RTN1: variants seen among roughly 807,000 people sequenced by gnomAD.
RTN1 encodes reticulon-1.
In RTN1, 25 loss-of-function variants were observed where a neutral mutation model predicts 65.5. That is an observed-to-expected ratio of 0.38 (90% CI 0.28 to 0.53). RTN1 has a LOEUF of 0.53. Ranked by LOEUF, RTN1 falls within the 20% of genes least tolerant of loss-of-function variation. RTN1 has a pLI of 0.79. For synonymous variants in RTN1, 471 were observed against 447.6 expected (o/e 1.05, Z -0.66); for missense variants, 983 against 1,025.4 (o/e 0.96, Z 0.57).
intron 3 of RTN1, among the ~76,000 whole-genome samples, chr14:59,723,049 T>G (rs1884679342): frequency 6.6e-6 from 1 of 152,122 alleles, no homozygotes; most frequent in Non-Finnish European, 1.5e-5. Context: ...TCACCAGCCT[T>G]GGCCTCCCAA....
At position 59,868,671 on chromosome 14, in the gene RTN1, A is replaced by G. The variant is rs2139683174; in HGVS notation, c.241+1719T>C. Among the ~76,000 whole-genome samples the G allele has an allele frequency of 6.6e-6, 1 of 152,306 alleles. No homozygotes were observed. The highest frequency in any genetic ancestry group is 3.4e-3 in the Middle Eastern group (1 of 294). ...CAAATATATATTCTAAGCATTTCCT[A>G]TATAATAACTTTTGTGGATATGTTA... On this transcript the variant is annotated intron_variant, in intron 1 of 8. Coordinates refer to ENST00000267484, the MANE Select transcript of RTN1 (RefSeq NM_021136.3). The surrounding 1 kb of genome is among the most constrained non-coding windows in gnomAD (Gnocchi z 4.0).
intron 3 of RTN1, among the ~76,000 whole-genome samples, chr14:59,680,289 C>G (rs1883718816): frequency 6.6e-6 from 1 of 152,194 alleles, no homozygotes; most frequent in African/African-American, 2.4e-5. Context: ...ATCCCTCTTT[C>G]CCTCCATACC....
At chr14:59,800,429 C>T (rs909743429) in intron 1 of RTN1, among the ~76,000 whole-genome samples, 1 of 152,170 alleles carries the variant, frequency 6.6e-6, no homozygotes, top group East Asian at 1.9e-4. Context: ...GAGTCAGAGT[C>T]TCACTCTGTC....
chr14:59,737,814 A>G (rs1025270720), intron 2 of RTN1, among the ~76,000 whole-genome samples: 1 of 152,232 alleles, frequency 6.6e-6, no homozygotes, highest in African/African-American at 2.4e-5. Context: ...AAGAACAGAC[A>G]CATAGACCAA....
chr14:59,660,809 C>G (rs1473012627), intron 3 of RTN1, among the ~76,000 whole-genome samples: 1 of 152,060 alleles, frequency 6.6e-6, no homozygotes, highest in Non-Finnish European at 1.5e-5. Flanking sequence ...TACACCCTAA[C>G]ATCAAAATGA....
chr14:59,752,409 C>T (rs1368248061), intron 1 of RTN1, among the ~76,000 whole-genome samples: 2 of 152,032 alleles, frequency 1.3e-5, no homozygotes, highest in Middle Eastern at 3.2e-3. Context: ...AGAGCTCTGC[C>T]CTTGTAGCTT....
chr14:59,779,468 G>A (rs571656539), intron 1 of RTN1, among the ~76,000 whole-genome samples: 1 of 152,138 alleles, frequency 6.6e-6, no homozygotes, highest in East Asian at 1.9e-4. Flanking sequence ...AGGTAATGGG[G>A]AGATCCTGCA....
At chr14:59,736,250 T>TA (rs1302146078) in intron 2 of RTN1, among the ~76,000 whole-genome samples, 1 of 151,878 alleles carries the variant, frequency 6.6e-6, no homozygotes, top group Admixed American at 6.6e-5. Context: ...GCTGTTTTTT[T>TA]AAAAAATAAT....
chr14:59,669,279 A>G (rs1358655496), intron 3 of RTN1, among the ~76,000 whole-genome samples: 1 of 152,234 alleles, frequency 6.6e-6, no homozygotes, highest in Non-Finnish European at 1.5e-5. Flanking sequence ...GCAGCCATAA[A>G]AAAGGATGGG....
chr14:59,712,414 A>G (rs1884442575), intron 3 of RTN1, among the ~76,000 whole-genome samples: 1 of 152,236 alleles, frequency 6.6e-6, no homozygotes, highest in Admixed American at 6.5e-5. Context: ...CAGTCAACAG[A>G]AAATGACAAA....
chr14:59,784,586 T>C (rs1295808504), intron 1 of RTN1, among the ~76,000 whole-genome samples: 2 of 152,222 alleles, frequency 1.3e-5, no homozygotes, highest in Non-Finnish European at 2.9e-5. Flanking sequence ...TAGGGAGATA[T>C]TACTTTAATA....
Position 59,727,114 on chromosome 14 carries a change from C to G in RTN1, c.1570G>C (p.Asp524His), listed in dbSNP as rs145742655. The G allele has an allele frequency of 6.2e-7, 1 of 1,608,964 alleles. No homozygotes were observed. The highest frequency in any genetic ancestry group is 1.3e-5 in the African/African-American group (1 of 74,792). The change falls in exon 3 of 9, where the codon GAC (aspartate) becomes CAC (histidine). Residue 524 changes from aspartate (D) to histidine (H), a missense_variant. Asp to His is a moderately conservative substitution (Grantham distance 81). Coordinates refer to ENST00000267484, the MANE Select transcript of RTN1 (RefSeq NM_021136.3). This position sits in a 1 kb window ranked among gnomAD's most constrained non-coding sequence, Gnocchi z 4.2. ...RGLAEPGSFL[D>H]YPSTEPQPGP... Reference sequence around the variant, plus strand: ...GGCTGGGGCTCAGTTGAGGGGTAGTCGAGGAAGGAACCCGGCTCGGCCAGG... The same window carrying G: ...GGCTGGGGCTCAGTTGAGGGGTAGTGGAGGAAGGAACCCGGCTCGGCCAGG...
chr14:59,778,069 C>T (rs1886087571), intron 1 of RTN1, among the ~76,000 whole-genome samples: 1 of 152,058 alleles, frequency 6.6e-6, no homozygotes, highest in Non-Finnish European at 1.5e-5. Context: ...TAAAAAAATG[C>T]TTTCCTTCCC....
intron 3 of RTN1, chr14:59,647,138 A>G (rs190489333): frequency 2.1e-4 from 32 of 152,344 alleles, no homozygotes; most frequent in African/African-American, 6.3e-4. Flanking sequence ...AAAACAGAAA[A>G]AAGCAGGGGT....
chr14:59,815,731 G>C (rs763399161), intron 1 of RTN1, among the ~76,000 whole-genome samples: 25 of 152,122 alleles, frequency 1.6e-4, no homozygotes, highest in Admixed American at 3.9e-4. Context: ...TTGGAGAACT[G>C]ATTTCACACT....
At chr14:59,712,591 T>G (rs190468257) in intron 3 of RTN1, among the ~76,000 whole-genome samples, 20 of 152,314 alleles carry the variant, frequency 1.3e-4, no homozygotes, top group African/African-American at 3.6e-4. Flanking sequence ...ACTGAAATGT[T>G]ATGAAACAGT....
Position 59,727,301 on chromosome 14 carries a change from C to T in RTN1, c.1383G>A (p.Glu461=). ...ACTCGATGATGAGCTCGCTGTCCAGCTCGGCCTCGCGCTCCTCCCTCAGGA... is the reference window on the plus strand; with the variant it reads ...ACTCGATGATGAGCTCGCTGTCCAGTTCGGCCTCGCGCTCCTCCCTCAGGA... ...YSILREEREA[E]LDSELIIESC... The change falls in exon 3 of 9, where the codon GAG becomes GAA. Residue 461 remains glutamate, a synonymous_variant. Coordinates refer to ENST00000267484, the MANE Select transcript of RTN1 (RefSeq NM_021136.3). This position sits in a 1 kb window ranked among gnomAD's most constrained non-coding sequence, Gnocchi z 4.2. 2 of 1,495,892 alleles carry T rather than the reference C, an allele frequency of 1.3e-6. No individual in the cohort carries two copies. Among genetic ancestry groups the T allele is most frequent in the Non-Finnish European group, 1.8e-6 (2 of 1,122,076 alleles). 92.7% of individuals were successfully genotyped at this position (1,495,892 alleles called of 1,614,324 possible).
At chr14:59,729,683 G>T (rs192798578) in intron 2 of RTN1, among the ~76,000 whole-genome samples, 1 of 152,270 alleles carries the variant, frequency 6.6e-6, no homozygotes, top group South Asian at 2.1e-4. Flanking sequence ...TGGGTGTCAC[G>T]CACTTTACAT....
At chr14:59,728,140 C>A (rs1884819854) in intron 2 of RTN1, among the ~76,000 whole-genome samples, 1 of 152,130 alleles carries the variant, frequency 6.6e-6, no homozygotes. Flanking sequence ...CCCATTATTC[C>A]TCGTCCATTG....
Sources: allele counts gnomAD v4.1 joint callset (sites outside exome capture counted in the v4.1 genomes callset), GRCh38; gene constraint gnomAD v4.1.1; non-coding constraint Gnocchi (gnomAD v3.1); transcripts MANE v1.5; gene names NCBI Gene and HGNC (gene_info 2026-07-23, HGNC 2026-07-21).